The following FER variants were observed in gnomAD, a reference collection of about 807,000 sequenced individuals.
FER encodes the protein tyrosine-protein kinase Fer.
Under a neutral mutation model 111.0 loss-of-function variants are expected in FER, and 63 were observed. That is an observed-to-expected ratio of 0.57 (90% CI 0.46 to 0.70). The LOEUF is 0.70. Among genes scored for constraint, FER ranks in the 30% least tolerant of loss-of-function variants. FER has a pLI of 0.00. For synonymous variants in FER, 327 were observed against 313.9 expected (o/e 1.04, Z -0.44); for missense variants, 914 against 954.0 (o/e 0.96, Z 0.55).
Position 109,038,837 on chromosome 5 carries a change from GA to G in FER, c.1713+1366del, listed in dbSNP as rs527365335. On this transcript the variant is annotated intron_variant, in intron 14 of 19. Coordinates refer to ENST00000281092, the MANE Select transcript of FER (RefSeq NM_005246.4). The stretch of plus-strand genomic sequence containing the variant: ...AGAAGGACAGACTTTTTAGTACTAC[GA>G]AAAAAATATTTTTAGTTAAAGAGAA... Among the ~76,000 whole-genome samples, 15 of 151,876 alleles carry G rather than the reference GA, an allele frequency of 9.9e-5. No homozygotes were observed. The East Asian group carries it at 1.5e-3, about 16-fold the overall frequency.
chr5:109,061,807 C>T (rs191956066), intron 16 of FER, among the ~76,000 whole-genome samples: 2 of 152,268 alleles, frequency 1.3e-5, no homozygotes, highest in African/African-American at 2.4e-5. Flanking sequence ...TTCCTAGTGT[C>T]TAATATGCAA....
Position 109,195,918 on chromosome 5 carries a change from T to C in FER, c.*8343T>C, listed in dbSNP as rs1303893758. 6.6e-6 allele frequency: 1 copy of C among 152,292 alleles called. No homozygotes were observed. Among genetic ancestry groups the C allele is most frequent in the Non-Finnish European group, 1.5e-5 (1 of 68,078 alleles). The allele number at this position is 152,292 out of a possible 1,614,324, so 9.4% of individuals were successfully genotyped here. ...TGGGGGTTGGTGGTGGTGCAAATTC[T>C]GCTGGCTTTATGTTATGGTTTTCTT... is the stretch of plus-strand genomic sequence containing the variant. On this transcript the variant is annotated 3_prime_UTR_variant, in exon 20 of 20. Transcript: ENST00000281092.
At chr5:109,186,940 T>G (rs1758941141) in intron 19 of FER, among the ~76,000 whole-genome samples, 1 of 152,356 alleles carries the variant, frequency 6.6e-6, no homozygotes, top group African/African-American at 2.4e-5. Context: ...CTCCTACCTT[T>G]ACACACTACC....
At chr5:108,845,024 A>ATATG (rs1761818862) in intron 5 of FER, among the ~76,000 whole-genome samples, 1 of 52,142 alleles carries the variant, frequency 1.9e-5, no homozygotes, top group African/African-American at 6.7e-5. Flanking sequence ...ATATATATAT[A>ATATG]TATATATATA....
chr5:108,752,472 A>T (rs1307770576), intron 1 of FER, among the ~76,000 whole-genome samples: 1 of 152,014 alleles, frequency 6.6e-6, no homozygotes, highest in Non-Finnish European at 1.5e-5. Flanking sequence ...TGAGGCTGTT[A>T]CCTTAAATTA....
chr5:108,877,358 A>T (rs1270242768), intron 8 of FER, among the ~76,000 whole-genome samples: 1 of 152,214 alleles, frequency 6.6e-6, no homozygotes, highest in Non-Finnish European at 1.5e-5. Flanking sequence ...GGACCGTTTG[A>T]TTAAGGGAAA....
At chr5:108,953,077 T>C (rs1757979651) in intron 11 of FER, among the ~76,000 whole-genome samples, 1 of 152,030 alleles carries the variant, frequency 6.6e-6, no homozygotes, top group Non-Finnish European at 1.5e-5. Flanking sequence ...TTAGATGCAC[T>C]ATCATAAAAT....
intron 1 of FER, among the ~76,000 whole-genome samples, chr5:108,759,714 A>G (rs1221260804): frequency 6.6e-6 from 1 of 152,224 alleles, no homozygotes; most frequent in African/African-American, 2.4e-5. Context: ...CTCACATGGC[A>G]GAAGAGAAGA....
At chr5:108,813,718 CTATTAAT>C (rs1358845426) in intron 3 of FER, among the ~76,000 whole-genome samples, 1 of 152,132 alleles carries the variant, frequency 6.6e-6, no homozygotes, top group Non-Finnish European at 1.5e-5. Context: ...TTTCGTAACC[CTATTAAT>C]GAGGTTAACT....
chr5:109,001,347 G>GT (rs1368420972), intron 13 of FER, among the ~76,000 whole-genome samples: 2 of 152,134 alleles, frequency 1.3e-5, no homozygotes, highest in Non-Finnish European at 2.9e-5. Context: ...ATCAATAAAC[G>GT]TAATCCAGCG....
At chr5:109,131,206 A>G (rs1752322307) in intron 17 of FER, among the ~76,000 whole-genome samples, 1 of 152,214 alleles carries the variant, frequency 6.6e-6, no homozygotes, top group Admixed American at 6.5e-5. Flanking sequence ...ATTTAGCAGT[A>G]GAAATTGAAA....
chr5:108,924,086 TA>T (rs11311714), intron 10 of FER, among the ~76,000 whole-genome samples: 42,517 of 151,770 alleles, frequency 0.28, 6,551 homozygotes, highest in African/African-American at 0.42. Flanking sequence ...CCAGGTGCAG[TA>T]AGCTCACACC....
rs1258579786 is a variant in FER at position 109,196,694 on chromosome 5, C to G, written c.*9119C>G. 1 of 152,070 alleles carries G rather than the reference C, an allele frequency of 6.6e-6. No individual in the cohort carries two copies. The highest frequency in any genetic ancestry group is 1.5e-5 in the Non-Finnish European group (1 of 68,002). 9.4% of individuals were successfully genotyped at this position (152,070 alleles called of 1,614,324 possible). On this transcript the variant is annotated 3_prime_UTR_variant, in exon 20 of 20. Transcript: ENST00000281092. ...ATTGTAGGATATTTTTTAATTGTTT[C>G]TACATTTTTAAAGCATGATTCATCA...
intron 13 of FER, among the ~76,000 whole-genome samples, chr5:109,017,673 A>G (rs1767350544): frequency 6.6e-6 from 1 of 151,956 alleles, no homozygotes; most frequent in South Asian, 2.1e-4. Context: ...TTTGGAGGAT[A>G]TATATCATCA....
intron 16 of FER, among the ~76,000 whole-genome samples, chr5:109,075,152 G>A (rs1370207192): frequency 6.6e-6 from 1 of 151,878 alleles, no homozygotes; most frequent in African/African-American, 2.4e-5. Context: ...TCTTGTTTAC[G>A]CTGCTGTCTC....
At chr5:108,907,343 G>A (rs946921748) in intron 10 of FER, among the ~76,000 whole-genome samples, 1 of 151,626 alleles carries the variant, frequency 6.6e-6, no homozygotes, top group African/African-American at 2.4e-5. Context: ...TGCCCAGGCT[G>A]GAGTGCAGTG....
Position 109,188,523 on chromosome 5 carries a change from G to T in FER, c.*948G>T, listed in dbSNP as rs1232380012. 6.6e-6 allele frequency: 1 copy of T among 152,036 alleles called. No individual in the cohort carries two copies. The highest frequency in any genetic ancestry group is 1.9e-4 in the East Asian group (1 of 5,172). The allele number at this position is 152,036 out of a possible 1,614,324, so 9.4% of individuals were successfully genotyped here. Reference sequence around the variant, plus strand: ...GAACAGGAGGGTGGGCTGGAGAACAGAGCAGCTAAAGAATGATTAACAGAG... The same window carrying T: ...GAACAGGAGGGTGGGCTGGAGAACATAGCAGCTAAAGAATGATTAACAGAG... On this transcript the variant is annotated 3_prime_UTR_variant, in exon 20 of 20. Coordinates refer to ENST00000281092, the MANE Select transcript of FER (RefSeq NM_005246.4).
intron 2 of FER, among the ~76,000 whole-genome samples, chr5:108,778,311 A>G (rs777365459): frequency 2.0e-5 from 3 of 152,218 alleles, no homozygotes; most frequent in Admixed American, 6.5e-5. Flanking sequence ...AACTCTTTCC[A>G]TACCAAGGAC....
At chr5:108,995,191 T>G (rs566098484) in intron 13 of FER, among the ~76,000 whole-genome samples, 1 of 152,312 alleles carries the variant, frequency 6.6e-6, no homozygotes, top group South Asian at 2.1e-4. Flanking sequence ...CTTGTACAGT[T>G]TTAAGGGGAA....
Sources: allele counts gnomAD v4.1 joint callset (sites outside exome capture counted in the v4.1 genomes callset), GRCh38; gene constraint gnomAD v4.1.1; transcripts MANE v1.5; gene names NCBI Gene and HGNC (gene_info 2026-07-23, HGNC 2026-07-21).